The following SCN2A variants were observed in gnomAD, a reference collection of about 807,000 sequenced individuals.
The protein encoded by SCN2A is sodium channel protein type 2 subunit alpha.
SCN2A carries 20 observed loss-of-function variants against 188.7 expected under a neutral mutation model. That is an observed-to-expected ratio of 0.11 (90% confidence interval 0.07 to 0.15). The LOEUF is 0.15. Among genes scored for constraint, SCN2A ranks in the 10% least tolerant of loss-of-function variants. The probability of loss-of-function intolerance (pLI) is 1.00; values close to 1 mark genes in which losing one functional copy is unlikely to be tolerated. For synonymous variants in SCN2A, 804 were observed against 833.1 expected, an observed-to-expected ratio of 0.97 and a Z score of 0.60; for missense variants, 1,278 against 2,445.0, an observed-to-expected ratio of 0.52 and a Z score of 10.07.
chr2:165,286,662 C>T (rs1019479724), intron 1 of SCN2A, among the ~76,000 whole-genome samples: 2 of 152,112 alleles, frequency 1.3e-5, no homozygotes, highest in Admixed American at 6.6e-5. Context: ...TCTGTAAATC[C>T]ATTTGGTGTC....
intron 1 of SCN2A, among the ~76,000 whole-genome samples, chr2:165,254,345 A>G (rs960314797): frequency 1.3e-5 from 2 of 151,706 alleles, no homozygotes; most frequent in Admixed American, 6.6e-5. Flanking sequence ...TGTTTTATTT[A>G]AGAAGTTTAT....
intron 12 of SCN2A, among the ~76,000 whole-genome samples, chr2:165,326,217 T>A (rs1698350110): frequency 6.6e-6 from 1 of 152,302 alleles, no homozygotes; most frequent in African/African-American, 2.4e-5. Context: ...TCCCCCACAT[T>A]GGTATTATCT....
chr2:165,291,035 CTT>C (rs55979694), intron 1 of SCN2A, among the ~76,000 whole-genome samples: 4 of 79,944 alleles, frequency 5.0e-5, no homozygotes, highest in African/African-American at 1.3e-4. Flanking sequence ...TCTTTTCTTT[CTT>C]TTTTTTTTTT....
intron 11 of SCN2A, among the ~76,000 whole-genome samples, chr2:165,319,355 A>T (rs7586412): frequency 0.23 from 34,701 of 152,122 alleles, 4,097 homozygotes; most frequent in Non-Finnish European, 0.26. Flanking sequence ...AATAAATAAA[A>T]AAAAAGAAGT....
chr2:165,323,013 G>C, intron 11 of SCN2A, 143 bp from the exon 12 acceptor site: 3 of 767,946 alleles, frequency 3.9e-6, no homozygotes, highest in Non-Finnish European at 6.3e-6. Flanking sequence ...GCAGTCATCA[G>C]AGGGGTGCTT....
At chr2:165,265,471 C>CTATCTATATA (rs1694804003) in intron 1 of SCN2A, among the ~76,000 whole-genome samples, 1 of 29,018 alleles carries the variant, frequency 3.4e-5, no homozygotes, top group African/African-American at 1.3e-4. Context: ...CTCTGTTGAT[C>CTATCTATATA]TATATATATA....
chr2:165,353,916 T>C (rs928110741), intron 16 of SCN2A, among the ~76,000 whole-genome samples: 3 of 134,058 alleles, frequency 2.2e-5, no homozygotes, highest in African/African-American at 5.0e-5. Context: ...TGTCTATATT[T>C]ATCTTTTGGA....
chr2:165,247,619 T>G (rs1693904699), intron 1 of SCN2A, among the ~76,000 whole-genome samples: 1 of 152,194 alleles, frequency 6.6e-6, no homozygotes, highest in South Asian at 2.1e-4. Context: ...TCACAGTCAC[T>G]TTACTCTTTA....
At chr2:165,368,696 A>C (rs776860308) in intron 19 of SCN2A, among the ~76,000 whole-genome samples, 3 of 152,222 alleles carry the variant, frequency 2.0e-5, no homozygotes, top group Non-Finnish European at 4.4e-5. Flanking sequence ...TATTAATATA[A>C]TGAAAATGAT....
At chr2:165,365,669 A>G (rs1559391927) in intron 18 of SCN2A, among the ~76,000 whole-genome samples, 1 of 152,156 alleles carries the variant, frequency 6.6e-6, no homozygotes. Context: ...GTAATTTATT[A>G]TGTACTATTT....
chr2:165,377,754 T>C, intron 23 of SCN2A, 104 bp downstream of exon 23: 1 of 884,242 alleles, frequency 1.1e-6, no homozygotes, highest in Non-Finnish European at 1.8e-6. Flanking sequence ...GTGCTTAATT[T>C]ATAAAACCCA....
chr2:165,271,738 ACAAT>A (rs1695114011), intron 1 of SCN2A: 1 of 152,112 alleles, frequency 6.6e-6, no homozygotes, highest in African/African-American at 2.4e-5. Flanking sequence ...TCTCCCAGAG[ACAAT>A]CACTGTTCCA....
intron 16 of SCN2A, among the ~76,000 whole-genome samples, chr2:165,353,126 T>C (rs906174804): frequency 1.3e-5 from 2 of 152,136 alleles, no homozygotes; most frequent in Non-Finnish European, 2.9e-5. Context: ...TGGAGCCTAT[T>C]TTTAAAGACC....
At chr2:165,268,619 C>A (rs1694976757) in intron 1 of SCN2A, 1 of 152,382 alleles carries the variant, frequency 6.6e-6, no homozygotes, top group Non-Finnish European at 1.5e-5. Flanking sequence ...CCCCTGAGAA[C>A]TGGAACAAGA....
intron 1 of SCN2A, among the ~76,000 whole-genome samples, chr2:165,260,069 G>A (rs1247260012): frequency 6.7e-6 from 1 of 149,070 alleles, no homozygotes; most frequent in East Asian, 2.0e-4. Flanking sequence ...TCAACCTCCC[G>A]AGTAGCTGGG....
chr2:165,381,442 C>T (rs1701597545), intron 25 of SCN2A, among the ~76,000 whole-genome samples: 1 of 151,704 alleles, frequency 6.6e-6, no homozygotes, highest in African/African-American at 2.4e-5. Flanking sequence ...ATTTGCTATA[C>T]TTAAGTGCCA....
At chr2:165,286,058 C>T (rs1170672277) in intron 1 of SCN2A, 1 of 168,576 alleles carries the variant, frequency 5.9e-6, no homozygotes, top group Non-Finnish European at 1.3e-5. Context: ...ACAACCCGAA[C>T]CAGGAGAGCC....
intron 1 of SCN2A, among the ~76,000 whole-genome samples, chr2:165,291,491 T>TTTC (rs1389976633): frequency 0.31 from 11,257 of 35,980 alleles, 1,501 homozygotes; most frequent in Non-Finnish European, 0.34. Context: ...TCTTTCTTTC[T>TTTC]TTTCTTTCTT....
At chr2:165,293,179 T>C (rs1696311964) in intron 1 of SCN2A, among the ~76,000 whole-genome samples, 1 of 152,218 alleles carries the variant, frequency 6.6e-6, no homozygotes, top group Admixed American at 6.5e-5. Flanking sequence ...ATGTTTGTAG[T>C]TCCTTGGCTA....
Sources: allele counts gnomAD v4.1 joint callset (sites outside exome capture counted in the v4.1 genomes callset), GRCh38; gene constraint gnomAD v4.1.1; transcripts MANE v1.5; gene names NCBI Gene and HGNC (gene_info 2026-07-23, HGNC 2026-07-21).